The following RHBDL3 variants were observed in gnomAD, a reference collection of about 807,000 sequenced individuals.
RHBDL3 encodes rhomboid-related protein 3.
In RHBDL3, 28 loss-of-function variants were observed where a neutral mutation model predicts 48.2. The ratio of observed to expected loss-of-function variants is 0.58; its 90% confidence interval spans 0.43 to 0.80. RHBDL3 has a LOEUF of 0.80. RHBDL3 is among the 30% of genes least tolerant of loss of function. The pLI, the probability that RHBDL3 is intolerant of heterozygous loss-of-function variation, is 0.00. For synonymous variants in RHBDL3, 208 were observed against 232.3 expected (o/e 0.90, Z 0.95); for missense variants, 464 against 542.7 (o/e 0.85, Z 1.44).
intron 2 of RHBDL3, chr17:32,280,876 C>G (rs2040025343): frequency 6.5e-6 from 1 of 153,038 alleles, no homozygotes; most frequent in Non-Finnish European, 1.5e-5. Context: ...CTCCCTTTCT[C>G]TCTCCCCCAC....
At chr17:32,312,587 G>A (rs180906741) in intron 7 of RHBDL3, among the ~76,000 whole-genome samples, 16 of 152,162 alleles carry the variant, frequency 1.1e-4, no homozygotes, top group Admixed American at 3.3e-4. Context: ...GCGCAATATC[G>A]TCTCACTGCA....
chr17:32,268,559 G>C (rs1254348219), intron 2 of RHBDL3, among the ~76,000 whole-genome samples: 1 of 152,154 alleles, frequency 6.6e-6, no homozygotes, highest in African/African-American at 2.4e-5. Context: ...CAAGGAAATG[G>C]TTCTCCTCTT....
At chr17:32,267,140 C>A (rs2039651957) in intron 1 of RHBDL3, among the ~76,000 whole-genome samples, 1 of 152,144 alleles carries the variant, frequency 6.6e-6, no homozygotes, top group African/African-American at 2.4e-5. Flanking sequence ...GAAGTGAAAC[C>A]AGGCCCCCAA....
intron 5 of RHBDL3, 97 bp downstream of exon 5, chr17:32,294,539 A>T: frequency 8.1e-7 from 1 of 1,234,120 alleles, no homozygotes; most frequent in Non-Finnish European, 1.1e-6. Flanking sequence ...GTTTATTTTT[A>T]TCTATTTGGA....
chr17:32,277,365 T>C (rs1567764052), intron 2 of RHBDL3, among the ~76,000 whole-genome samples: 1 of 152,172 alleles, frequency 6.6e-6, no homozygotes, highest in Non-Finnish European at 1.5e-5. Context: ...GGTATGTCCT[T>C]CTCTCTCTCA....
At chr17:32,301,716 G>A (rs545150810) in intron 6 of RHBDL3, among the ~76,000 whole-genome samples, 1 of 152,084 alleles carries the variant, frequency 6.6e-6, no homozygotes, top group African/African-American at 2.4e-5. Flanking sequence ...AGCTACTCAG[G>A]AAGCTGAGGC....
chr17:32,302,450 A>G (rs892604991), intron 6 of RHBDL3, among the ~76,000 whole-genome samples: 2 of 151,824 alleles, frequency 1.3e-5, no homozygotes, highest in African/African-American at 4.8e-5. Context: ...TCTGCCTCCC[A>G]GGTTCAAGCG....
chr17:32,268,738 A>G (rs537961774), intron 2 of RHBDL3, among the ~76,000 whole-genome samples: 1 of 152,312 alleles, frequency 6.6e-6, no homozygotes, highest in South Asian at 2.1e-4. Flanking sequence ...TAGGAGAAGG[A>G]GATAAAGCTG....
chr17:32,267,996 T>A, intron 2 of RHBDL3, 71 bp downstream of exon 2: 5 of 1,185,648 alleles, frequency 4.2e-6, no homozygotes, highest in Non-Finnish European at 6.3e-6. Flanking sequence ...CCTGCTTGCG[T>A]GGGCTTCCCT....
intron 2 of RHBDL3, among the ~76,000 whole-genome samples, chr17:32,279,605 T>C (rs1197994277): frequency 1.3e-5 from 2 of 152,216 alleles, no homozygotes; most frequent in African/African-American, 4.8e-5. Flanking sequence ...CTGTAGCCCC[T>C]TGACTGTGCA....
chr17:32,309,886 C>T (rs1351668178), intron 7 of RHBDL3, among the ~76,000 whole-genome samples: 12 of 149,512 alleles, frequency 8.0e-5, no homozygotes, highest in African/African-American at 3.0e-4. Flanking sequence ...TTCAAGCGAT[C>T]CTCTTGCCTC....
intron 6 of RHBDL3, among the ~76,000 whole-genome samples, chr17:32,301,775 C>G (rs1222871007): frequency 6.6e-6 from 1 of 151,532 alleles, no homozygotes; most frequent in Non-Finnish European, 1.5e-5. Context: ...GAGCAGAAAT[C>G]TCATCATTGC....
At chr17:32,316,456 G>A (rs1328277340) in intron 8 of RHBDL3, among the ~76,000 whole-genome samples, 164 bp downstream of exon 8, 1 of 152,196 alleles carries the variant, frequency 6.6e-6, no homozygotes, top group African/African-American at 2.4e-5. Context: ...TGTCTGTCCT[G>A]CTGTGCTGCT....
chr17:32,318,979 C>T (rs1370413349), intron 8 of RHBDL3, among the ~76,000 whole-genome samples: 2 of 152,130 alleles, frequency 1.3e-5, no homozygotes, highest in Admixed American at 1.3e-4. Context: ...GAAGGAACTT[C>T]CAGCCTTAAA....
intron 1 of RHBDL3, among the ~76,000 whole-genome samples, chr17:32,267,282 C>A (rs1597601021): frequency 6.6e-6 from 1 of 152,136 alleles, no homozygotes; most frequent in Non-Finnish European, 1.5e-5. Context: ...ATGTAGTCAC[C>A]ACTTAGACTC....
chr17:32,283,906 G>T (rs4795687), intron 2 of RHBDL3, among the ~76,000 whole-genome samples: 26,283 of 152,170 alleles, frequency 0.17, 4,415 homozygotes, highest in African/African-American at 0.44. Context: ...AGGTGAGCCT[G>T]CCAAGAGAAG....
rs988969688 is a variant in RHBDL3, at chr17:32,321,157, C to T, written c.1143C>T (p.Phe381=). 7 of 1,614,090 alleles carry T rather than the reference C, an allele frequency of 4.3e-6. No individual in the cohort carries two copies. Among genetic ancestry groups the T allele is most frequent in the African/African-American group, 4.0e-5 (3 of 74,942 alleles). The change falls in exon 9 of 9, where the codon TTC becomes TTT. Residue 381 remains phenylalanine (F), a synonymous_variant. Coordinates refer to ENST00000269051, the MANE Select transcript of RHBDL3 (RefSeq NM_138328.3). ...WWIFVAMYTV[F]VLFAVFWNIF... is the part of the protein sequence containing the mutation. ...TTTTTGTGGCCATGTACACCGTCTT[C>T]GTGCTGTTCGCTGTCTTCTGGAACA...
At chr17:32,273,279 G>A (rs532461983) in intron 2 of RHBDL3, among the ~76,000 whole-genome samples, 1 of 152,320 alleles carries the variant, frequency 6.6e-6, no homozygotes, top group African/African-American at 2.4e-5. Flanking sequence ...TGGGATTACA[G>A]GCGCGAGCCA....
intron 2 of RHBDL3, among the ~76,000 whole-genome samples, chr17:32,283,660 C>G (rs965989948): frequency 5.3e-5 from 8 of 152,192 alleles, no homozygotes; most frequent in Admixed American, 4.6e-4. Flanking sequence ...TGAGGCTTTT[C>G]ATGGAAAATC....
Sources: allele counts gnomAD v4.1 joint callset (sites outside exome capture counted in the v4.1 genomes callset), GRCh38; gene constraint gnomAD v4.1.1; transcripts MANE v1.5; gene names NCBI Gene and HGNC (gene_info 2026-07-23, HGNC 2026-07-21).